Variants in ANKRD36 observed in about 807,000 individuals in gnomAD.
ANKRD36 encodes ankyrin repeat domain 36.
A neutral mutation model predicts 278.1 loss-of-function variants in ANKRD36; 179 were observed. The observed-to-expected ratio is 0.64, with a 90% CI of 0.57 to 0.73. The LOEUF (loss-of-function observed/expected upper bound fraction) is 0.73, where lower values mean the gene tolerates loss of function less well. ANKRD36 is among the 30% of genes least tolerant of loss of function. ANKRD36 has a pLI of 0.00. For synonymous variants in ANKRD36, 320 were observed against 641.1 expected, an observed-to-expected ratio of 0.50 and a Z score of 7.57; for missense variants, 1,159 against 1,956.7, an observed-to-expected ratio of 0.59 and a Z score of 7.69.
In ANKRD36 at chr2:97,158,682, A is replaced by G. The variant is rs773772164; in HGVS notation, c.1389+27A>G. On this transcript the variant is annotated intron_variant, in intron 17 of 75. Transcript: ENST00000420699. ...TAAATGAAGATGTGGTTAAAAGCCA[A>G]CATAGAATAATCAGAGTCCAGTCCT... 7.2e-6 allele frequency: 11 copies of G among 1,529,616 alleles called. No homozygotes were observed. The Admixed American group carries it at 1.6e-4, about 22-fold the overall frequency. The allele number at this position is 1,529,616 out of a possible 1,614,324, so 94.8% of individuals were successfully genotyped here. A position where few individuals can be genotyped will look rare whatever the true frequency, so the allele number is the denominator to read the frequency against.
At chr2:97,203,406 C>T (rs1051710860) in intron 48 of ANKRD36, among the ~76,000 whole-genome samples, 7 of 151,870 alleles carry the variant, frequency 4.6e-5, no homozygotes, top group African/African-American at 7.2e-5. Flanking sequence ...ATTATCCCTT[C>T]GTGCCACGAC....
chr2:97,150,251 A>G (rs1365925053), intron 12 of ANKRD36, among the ~76,000 whole-genome samples: 1 of 151,840 alleles, frequency 6.6e-6, no homozygotes, highest in East Asian at 2.0e-4. Context: ...TTAATTTCAC[A>G]ATGTTTTTGA....
chr2:97,140,557 C>T lies in ANKRD36; in HGVS notation c.800-2083C>T, dbSNP rs2218925. 1.8e-4 allele frequency among the ~76,000 whole-genome samples: 27 copies of T among 151,974 alleles called. No homozygotes were observed. The East Asian group carries it at 3.7e-3, about 21-fold the overall frequency. ...GAAAGCATAGAGACAAAATAAGAGACGATAGATACTCAAACCAATGTGAGT... is the reference window on the plus strand; with the variant it reads ...GAAAGCATAGAGACAAAATAAGAGATGATAGATACTCAAACCAATGTGAGT... On this transcript the variant is annotated intron_variant, in intron 6 of 75. Coordinates refer to ENST00000420699, the MANE Select transcript of ANKRD36 (RefSeq NM_001354587.1).
At chr2:97,202,512 ATTCT>A (rs1375123055) in intron 48 of ANKRD36, 119 bp downstream of exon 48, 2 of 1,451,404 alleles carry the variant, frequency 1.4e-6, no homozygotes, top group African/African-American at 2.9e-5. Flanking sequence ...CAGGCTGGAG[ATTCT>A]TCATTTGTAG....
At chr2:97,150,579 A>T (rs942808832) in intron 12 of ANKRD36, among the ~76,000 whole-genome samples, 19 of 152,320 alleles carry the variant, frequency 1.2e-4, no homozygotes, top group South Asian at 2.1e-4. Context: ...AATGTTTTGA[A>T]TTTATCTTTT....
chr2:97,155,331 G>A (rs1479357929), intron 15 of ANKRD36, among the ~76,000 whole-genome samples: 2 of 144,238 alleles, frequency 1.4e-5, no homozygotes, highest in African/African-American at 4.9e-5. Flanking sequence ...AATTTAACTA[G>A]ACATGGTATC....
intron 1 of ANKRD36, among the ~76,000 whole-genome samples, chr2:97,115,272 A>G (rs2034939039): frequency 6.6e-6 from 1 of 152,148 alleles, no homozygotes; most frequent in Non-Finnish European, 1.5e-5. Flanking sequence ...TAAATTCGTT[A>G]TGGAATGTAG....
intron 22 of ANKRD36, among the ~76,000 whole-genome samples, chr2:97,177,559 G>C (rs1378457810): frequency 6.6e-6 from 1 of 151,792 alleles, no homozygotes; most frequent in Non-Finnish European, 1.5e-5. Context: ...ACAAACCTGA[G>C]AAAAACAAGC....
intron 18 of ANKRD36, among the ~76,000 whole-genome samples, chr2:97,163,035 A>C (rs906146717): frequency 1.3e-5 from 2 of 151,786 alleles, no homozygotes; most frequent in African/African-American, 4.8e-5. Context: ...TGGGAGGCTG[A>C]GGCGGGAGGA....
rs868463717 is a variant in ANKRD36, at chr2:97,180,512, T to A, written c.1735+579T>A. On this transcript the variant is annotated intron_variant, in intron 24 of 75. Coordinates refer to ENST00000420699, the MANE Select transcript of ANKRD36 (RefSeq NM_001354587.1). The stretch of plus-strand genomic sequence containing the variant: ...TTTGGAATATTTGCATAAAAGAAGA[T>A]TTGATTTTGGCTGCTCCAAGAACTA... 6.9e-4 allele frequency among the ~76,000 whole-genome samples: 105 copies of A among 151,738 alleles called. 1 individual carries two copies. In the South Asian group the frequency reaches 7.3e-3, roughly 11 times the overall value.
chr2:97,199,024 A>G (rs1465869619), intron 44 of ANKRD36, among the ~76,000 whole-genome samples: 1 of 151,928 alleles, frequency 6.6e-6, no homozygotes, highest in Non-Finnish European at 1.5e-5. Flanking sequence ...ACTGCCAAGA[A>G]AAGACAGAAA....
chr2:97,208,711 A>G (rs1379847126), intron 54 of ANKRD36, among the ~76,000 whole-genome samples: 1 of 146,626 alleles, frequency 6.8e-6, no homozygotes, highest in African/African-American at 2.7e-5. Context: ...TTTTAGTTAT[A>G]AAAATGAGAT....
In ANKRD36 at chr2:97,132,326, G is replaced by A. The variant is rs372349371; in HGVS notation, c.799+5192G>A. 2.1e-3 allele frequency among the ~76,000 whole-genome samples: 319 copies of A among 151,808 alleles called. 5 individuals are homozygous for A. The East Asian group carries it at 0.025, about 12-fold the overall frequency. On this transcript the variant is annotated intron_variant, in intron 6 of 75. Transcript: ENST00000420699. Reference sequence around the variant, plus strand: ...CCCAATTATTATAAAAGAAACCTTGGTGAGTTGAAGACAATTGGCTGTGAT... The same window carrying A: ...CCCAATTATTATAAAAGAAACCTTGATGAGTTGAAGACAATTGGCTGTGAT...
In ANKRD36 at chr2:97,154,635, A is replaced by G. The variant is rs932047175; in HGVS notation, c.1194-40A>G. The G allele has an allele frequency of 5.6e-6, 8 of 1,440,116 alleles. No individual in the cohort carries two copies. In the Admixed American group the frequency reaches 6.0e-5, roughly 11 times the overall value. The allele number at this position is 1,440,116 out of a possible 1,614,324, so 89.2% of individuals were successfully genotyped here. ...GACGGTTTTTGTTTTCTTTTAAGAA[A>G]TGAACGTGCTCATTTTTGTAATATC... On this transcript the variant is annotated intron_variant, in intron 14 of 75. Transcript: ENST00000420699.
chr2:97,240,980 A>G (rs1472380960), intron 68 of ANKRD36, among the ~76,000 whole-genome samples: 10 of 29,624 alleles, frequency 3.4e-4, no homozygotes, highest in Non-Finnish European at 4.7e-4. Context: ...TCACATAACT[A>G]TGTTTTTTTT....
chr2:97,222,723 G>A (rs1342361631), intron 66 of ANKRD36, among the ~76,000 whole-genome samples: 3 of 152,110 alleles, frequency 2.0e-5, no homozygotes, highest in South Asian at 2.1e-4. Flanking sequence ...ATACATGTAA[G>A]GTACTACTGC....
chr2:97,150,116 A>G (rs184608344), intron 12 of ANKRD36, among the ~76,000 whole-genome samples: 2 of 151,894 alleles, frequency 1.3e-5, no homozygotes, highest in South Asian at 2.1e-4. Context: ...GAGGGTTTAC[A>G]CTGTGTTTTC....
intron 44 of ANKRD36, among the ~76,000 whole-genome samples, chr2:97,199,892 T>G (rs1439168005): frequency 1.3e-5 from 2 of 151,914 alleles, no homozygotes; most frequent in Admixed American, 1.3e-4. Flanking sequence ...TCTCAGTTAT[T>G]GGGCAAGTTA....
At position 97,158,480 on chromosome 2, in the gene ANKRD36, G is replaced by A. The variant is rs540588533; in HGVS notation, c.1322-108G>A. The stretch of plus-strand genomic sequence containing the variant: ...GACCTCATATGATCTGCCTGCATTG[G>A]CCCCCCAAACTGCTGGGATTAAAGC... On this transcript the variant is annotated intron_variant, in intron 16 of 75. Transcript: ENST00000420699. 124 of 1,187,106 alleles carry A rather than the reference G, an allele frequency of 1.0e-4. 3 individuals are homozygous for A. The South Asian group carries it at 1.7e-3, about 16-fold the overall frequency. The allele number at this position is 1,187,106 out of a possible 1,614,324, so 73.5% of individuals were successfully genotyped here.
Sources: gnomAD v4.1 joint callset for allele counts (sites outside exome capture counted in the v4.1 genomes callset) on GRCh38, gnomAD v4.1.1 for gene constraint, MANE v1.5 for transcripts, NCBI Gene and HGNC (gene_info 2026-07-23, HGNC 2026-07-21) for gene names.